ZC3H4: variants seen among roughly 807,000 people sequenced by gnomAD.
The protein encoded by ZC3H4 is zinc finger CCCH domain-containing protein 4.
Under a neutral mutation model 108.3 loss-of-function variants are expected in ZC3H4, and 13 were observed. The ratio of observed to expected loss-of-function variants is 0.12; its 90% CI spans 0.08 to 0.19. The LOEUF (loss-of-function observed/expected upper bound fraction) is 0.19. ZC3H4 is among the 10% of genes least tolerant of loss of function. ZC3H4 has a pLI of 1.00. For synonymous variants in ZC3H4, 917 were observed against 749.6 expected (o/e 1.22, Z -3.65); for missense variants, 1,734 against 1,838.8 (o/e 0.94, Z 1.04).
rs561826264 is a variant in ZC3H4, at chr19:47,098,730, C to T, written c.162-4122G>A. On this transcript the variant is annotated intron_variant, in intron 2 of 14. Transcript: ENST00000253048. ...AGTGAGCCAAGATCGCGCCACTGCA[C>T]TTCAGTCTGGGTGACAGAGCTAGAG... Among the ~76,000 whole-genome samples the T allele has an allele frequency of 2.6e-5, 4 of 152,300 alleles. No individual in the cohort carries two copies. The South Asian group carries it at 8.3e-4, about 32-fold the overall frequency.
intron 3 of ZC3H4, 55 bp downstream of exon 3, chr19:47,094,334 C>T: frequency 6.3e-7 from 1 of 1,595,806 alleles, no homozygotes; most frequent in Non-Finnish European, 8.6e-7. Context: ...GCCCCTGGGG[C>T]TCTCAGCCAG....
rs112997291 is a variant in ZC3H4 at position 47,107,431 on chromosome 19, G to C, written c.161+4993C>G. ...ACACTGCCGGGGAGAAGCCAGGCCTGAACAGTTTTATCTGGCTCCAAAGTC... is the reference window on the plus strand; with the variant it reads ...ACACTGCCGGGGAGAAGCCAGGCCTCAACAGTTTTATCTGGCTCCAAAGTC... On this transcript the variant is annotated intron_variant, in intron 2 of 14. Coordinates refer to ENST00000253048, the MANE Select transcript of ZC3H4 (RefSeq NM_015168.2). 2.2e-4 allele frequency among the ~76,000 whole-genome samples: 33 copies of C among 152,194 alleles called. 1 individual carries two copies. Among genetic ancestry groups the C allele is most frequent in the African/African-American group, 6.5e-4 (27 of 41,524 alleles).
Position 47,066,866 on chromosome 19 carries a change from G to T in ZC3H4, c.3402C>A (p.Gly1134=), listed in dbSNP as rs376087151. 3 of 1,598,636 alleles carry T rather than the reference G, an allele frequency of 1.9e-6. No individual in the cohort carries two copies. Among genetic ancestry groups the T allele is most frequent in the Admixed American group, 1.7e-5 (1 of 59,776 alleles). The change falls in exon 15 of 15, where the codon GGC becomes GGA. Residue 1134 remains glycine (G), a synonymous_variant. Transcript: ENST00000253048. ...GCACACTGCTCTGCCCGCCCCCTCC[G>T]CCCTGGCCCAGTCCACCGGCCGCCA... ...RVLAAGGLGQ[G]GGGGQSSVLS...
intron 2 of ZC3H4, among the ~76,000 whole-genome samples, chr19:47,111,377 T>TA (rs1195605178): frequency 1.3e-5 from 2 of 152,106 alleles, no homozygotes; most frequent in Non-Finnish European, 2.9e-5. Context: ...TCGGACTTAA[T>TA]AAAGAGAAGG....
rs771036240 is a variant in ZC3H4, at chr19:47,086,420, C to A, written c.834G>T (p.Pro278=). Reference sequence around the variant, plus strand: ...CCTCGTAGAAATCCTCTTCATCCTCCGGGTGGTCTCCTCCCATAGAGCCTC... The same window carrying A: ...CCTCGTAGAAATCCTCTTCATCCTCAGGGTGGTCTCCTCCCATAGAGCCTC... ...RGRGSMGGDH[P]EDEEDFYEEE... is the part of the protein sequence containing the mutation. The change falls in exon 6 of 15, where the codon CCG becomes CCT. Residue 278 remains proline (P), a synonymous_variant. Coordinates refer to ENST00000253048, the MANE Select transcript of ZC3H4 (RefSeq NM_015168.2). 2 of 1,613,404 alleles carry A rather than the reference C, an allele frequency of 1.2e-6. No homozygotes were observed. The highest frequency in any genetic ancestry group is 1.1e-5 in the South Asian group (1 of 91,048).
In ZC3H4 at chr19:47,072,101, G is replaced by C; in HGVS notation, c.1823C>G (p.Pro608Arg). ...LGVRFPGPGG[P>R]PGPMGPGPNM... ...GGGCCCAGGGCCCATTGGCCCTGGG[G>C]GTCCACCGGGTCCAGGGAACCTAGA... Residue 608 changes from proline to arginine, a missense_variant, in exon 13 of 15, where the codon CCC becomes CGC. Pro to Arg is a moderately radical substitution (Grantham distance 103). This residue lies in a region of ZC3H4 where 540 missense variants were observed against 484.1 expected (regional missense o/e 1.12). Transcript: ENST00000253048. The surrounding 1 kb of genome is among the most constrained non-coding windows in gnomAD (Gnocchi z 5.6). 6.5e-7 allele frequency: 1 copy of C among 1,538,460 alleles called. No homozygotes were observed. Among genetic ancestry groups the C allele is most frequent in the African/African-American group, 1.4e-5 (1 of 72,104 alleles).
intron 13 of ZC3H4, among the ~76,000 whole-genome samples, chr19:47,069,547 G>C (rs1011055907): frequency 6.6e-6 from 1 of 152,220 alleles, no homozygotes; most frequent in Non-Finnish European, 1.5e-5. Context: ...TCACAGAGAG[G>C]GTTGAGTGAT....
In ZC3H4 at chr19:47,067,574, G is replaced by A. The variant is rs1308503560; in HGVS notation, c.2694C>T (p.Thr898=). The A allele has an allele frequency of 6.2e-7, 1 of 1,604,202 alleles. No individual in the cohort carries two copies. Among genetic ancestry groups the A allele is most frequent in the Non-Finnish European group, 8.5e-7 (1 of 1,175,744 alleles). The part of the protein sequence containing the change: ...SDPRLARALP[T]SKPEGSLHSS... ...AATGAAGGCTGCCTTCGGGCTTGGA[G>A]GTGGGCAGGGCGCGAGCCAGCCGAG... The change falls in exon 15 of 15, where the codon ACC becomes ACT. Residue 898 remains threonine (T), a synonymous_variant. Transcript: ENST00000253048. The surrounding 1 kb of genome is among the most constrained non-coding windows in gnomAD (Gnocchi z 6.4).
At position 47,085,125 on chromosome 19, in the gene ZC3H4, A is replaced by ACCTCGG. The variant is rs750121009; in HGVS notation, c.1032_1037dup (p.Arg345_Gly346dup). 4 of 1,613,916 alleles carry ACCTCGG rather than the reference A, an allele frequency of 2.5e-6. No homozygotes were observed. The highest frequency in any genetic ancestry group is 2.7e-5 in the African/African-American group (2 of 74,874). ...CCTTGTTCATCCCTCCTCGGCTGCC[A>ACCTCGG]CCTCGGCCTCGGCCCCGACCCATTC... On this transcript the variant is annotated inframe_insertion, in exon 8 of 15. Transcript: ENST00000253048.
In ZC3H4 at chr19:47,067,152, T is replaced by C. The variant is rs1353700608; in HGVS notation, c.3116A>G (p.Asn1039Ser). The C allele has an allele frequency of 1.2e-6, 2 of 1,611,592 alleles. No individual in the cohort carries two copies. Among genetic ancestry groups the C allele is most frequent in the Non-Finnish European group, 1.7e-6 (2 of 1,178,806 alleles). Residue 1039 changes from asparagine (N) to serine (S), a missense_variant, in exon 15 of 15, where the codon AAC becomes AGC. Around this residue, in one of 9 missense-constraint regions of ZC3H4, gnomAD observed 518 missense variants for 499.6 expected, o/e 1.04. Coordinates refer to ENST00000253048, the MANE Select transcript of ZC3H4 (RefSeq NM_015168.2). The surrounding 1 kb of genome is among the most constrained non-coding windows in gnomAD (Gnocchi z 6.4). Reference protein sequence around the residue: ...ASTDSSTQGANLPDFELLSRI... With the variant: ...ASTDSSTQGASLPDFELLSRI... ...AGACAGAAGTTCAAAGTCGGGGAGGTTGGCGCCCTGTGTGCTGGAATCCGT... is the reference window on the plus strand; with the variant it reads ...AGACAGAAGTTCAAAGTCGGGGAGGCTGGCGCCCTGTGTGCTGGAATCCGT...
chr19:47,082,408 G>C (rs1255048360), intron 9 of ZC3H4, 113 bp from the exon 10 acceptor site: 1 of 778,144 alleles, frequency 1.3e-6, no homozygotes, highest in Non-Finnish European at 2.2e-6. Context: ...GCCAATGACA[G>C]AAACGAATCC....
intron 5 of ZC3H4, among the ~76,000 whole-genome samples, chr19:47,086,955 C>T (rs2057639410): frequency 6.6e-6 from 1 of 151,296 alleles, no homozygotes; most frequent in Non-Finnish European, 1.5e-5. Context: ...CCAAAACACA[C>T]ATTGGACTTC....
At chr19:47,092,636 G>A (rs190942474) in intron 4 of ZC3H4, among the ~76,000 whole-genome samples, 12 of 151,876 alleles carry the variant, frequency 7.9e-5, no homozygotes, top group Admixed American at 7.9e-4. Context: ...GGCCAACATC[G>A]TGAAACCCTG....
rs375468361 is a variant in ZC3H4, at chr19:47,067,161, T to G, written c.3107A>C (p.Gln1036Pro). Residue 1036 changes from glutamine (Q) to proline (P), a missense_variant, in exon 15 of 15, where the codon CAG (glutamine) becomes CCG (proline). Gln to Pro is a moderately conservative substitution (Grantham distance 76). Around this residue, in one of 9 missense-constraint regions of ZC3H4, gnomAD observed 518 missense variants for 499.6 expected, o/e 1.04. Coordinates refer to ENST00000253048, the MANE Select transcript of ZC3H4 (RefSeq NM_015168.2). The surrounding 1 kb of genome is among the most constrained non-coding windows in gnomAD (Gnocchi z 6.4). ...TTCAAAGTCGGGGAGGTTGGCGCCC[T>G]GTGTGCTGGAATCCGTGGAGGCGCC... Reference protein sequence around the residue: ...RPGASTDSSTQGANLPDFELL... With the variant: ...RPGASTDSSTPGANLPDFELL... The G allele has an allele frequency of 6.2e-7, 1 of 1,611,696 alleles. No homozygotes were observed. Among genetic ancestry groups the G allele is most frequent in the Non-Finnish European group, 8.5e-7 (1 of 1,178,836 alleles).
chr19:47,091,196 C>T (rs1203991407), intron 4 of ZC3H4, among the ~76,000 whole-genome samples: 6 of 151,946 alleles, frequency 3.9e-5, no homozygotes, highest in African/African-American at 1.2e-4. Context: ...TGCTTGAACC[C>T]GCGAGGCAGA....
At chr19:47,079,763 TG>T (rs1303330883) in intron 11 of ZC3H4, among the ~76,000 whole-genome samples, 5 of 152,214 alleles carry the variant, frequency 3.3e-5, no homozygotes, top group Admixed American at 6.5e-5. Context: ...GGCATGCGCC[TG>T]TAGTCCCAGC....
chr19:47,095,349 G>A (rs1222258936), intron 2 of ZC3H4, among the ~76,000 whole-genome samples: 1 of 152,184 alleles, frequency 6.6e-6, no homozygotes, highest in African/African-American at 2.4e-5. Flanking sequence ...CAGGTCACAA[G>A]GTCTGACCCA....
chr19:47,090,663 T>C (rs1237131791), intron 4 of ZC3H4, among the ~76,000 whole-genome samples: 1 of 152,158 alleles, frequency 6.6e-6, no homozygotes, highest in African/African-American at 2.4e-5. Flanking sequence ...AAGTTAAAGA[T>C]ACTCATAAAA....
intron 2 of ZC3H4, among the ~76,000 whole-genome samples, chr19:47,097,786 A>G (rs1217209935): frequency 6.6e-6 from 1 of 152,166 alleles, no homozygotes; most frequent in Non-Finnish European, 1.5e-5. Context: ...AATCATTTCA[A>G]TCTAGACCTG....
Sources: allele counts gnomAD v4.1 joint callset (sites outside exome capture counted in the v4.1 genomes callset), GRCh38; gene constraint gnomAD v4.1.1; regional missense constraint gnomAD v4.1.1; non-coding constraint Gnocchi (gnomAD v3.1); transcripts MANE v1.5; gene names NCBI Gene and HGNC (gene_info 2026-07-23, HGNC 2026-07-21).